SOX6: variants seen among roughly 807,000 people sequenced by gnomAD.
SOX6 encodes SRY-box transcription factor 6.
A neutral mutation model predicts 97.8 loss-of-function variants in SOX6; 11 were observed. That is an observed-to-expected ratio of 0.11 (90% confidence interval 0.07 to 0.19). SOX6 has a LOEUF of 0.19. Among genes scored for constraint, SOX6 ranks in the 10% least tolerant of loss-of-function variants. The pLI is 1.00. For missense variants in SOX6, 810 were observed against 1,039.5 expected, an observed-to-expected ratio of 0.78 and a Z score of 3.04; for synonymous variants, 360 against 371.4, an observed-to-expected ratio of 0.97 and a Z score of 0.35.
chr11:16,305,519 C>A (rs574696836), intron 3 of SOX6, among the ~76,000 whole-genome samples: 2 of 152,278 alleles, frequency 1.3e-5, no homozygotes, highest in African/African-American at 4.8e-5. Context: ...TAAAATCCAA[C>A]GTACAATATA....
intron 3 of SOX6, among the ~76,000 whole-genome samples, chr11:16,251,620 C>T (rs1853513088): frequency 6.6e-6 from 1 of 151,974 alleles, no homozygotes; most frequent in South Asian, 2.1e-4. Context: ...GAGATGACTC[C>T]AGGTCCTGAT....
At chr11:16,145,455 C>T (rs1388977884) in intron 6 of SOX6, among the ~76,000 whole-genome samples, 2 of 152,146 alleles carry the variant, frequency 1.3e-5, no homozygotes, top group Non-Finnish European at 2.9e-5. Context: ...CAGGGATGCC[C>T]TCTCTCACCA....
intron 3 of SOX6, among the ~76,000 whole-genome samples, chr11:16,248,696 C>A (rs1449511644): frequency 2.6e-5 from 4 of 152,204 alleles, no homozygotes; most frequent in African/African-American, 9.6e-5. Flanking sequence ...TGGGCCTGGC[C>A]CACAGAACCA....
rs182907005 is a variant in SOX6, at chr11:16,137,495, T to C, written c.778-25572A>G. The stretch of plus-strand genomic sequence containing the variant: ...TTGTAAGAGAGTAAGACACACTGTA[T>C]AATAAAAAGTCCATTGTTTAGATGT... On this transcript the variant is annotated intron_variant, in intron 6 of 15. Coordinates refer to ENST00000683767, the MANE Select transcript of SOX6 (RefSeq NM_001367873.1). Among the ~76,000 whole-genome samples the C allele has an allele frequency of 5.1e-4, 77 of 152,262 alleles. No homozygotes were observed. The East Asian group carries it at 0.012, about 23-fold the overall frequency.
At chr11:16,416,344 T>G (rs899544989) in intron 1 of SOX6, among the ~76,000 whole-genome samples, 1 of 152,224 alleles carries the variant, frequency 6.6e-6, no homozygotes, top group Non-Finnish European at 1.5e-5. Flanking sequence ...GCACAGAATT[T>G]TCCAAGAAGT....
chr11:16,667,457 A>T (rs1017332848), intron 3 of SOX6, among the ~76,000 whole-genome samples: 44 of 152,160 alleles, frequency 2.9e-4, no homozygotes, highest in Non-Finnish European at 4.4e-5. Context: ...TAATATACAA[A>T]GGAGCTCCAA....
At chr11:16,116,674 G>T (rs1435372476) in intron 6 of SOX6, among the ~76,000 whole-genome samples, 7 of 152,136 alleles carry the variant, frequency 4.6e-5, no homozygotes, top group African/African-American at 1.7e-4. Flanking sequence ...CTTATTCATA[G>T]TTACCTAGTG....
intron 13 of SOX6, among the ~76,000 whole-genome samples, chr11:15,994,072 G>A (rs1854149665): frequency 6.6e-6 from 1 of 152,162 alleles, no homozygotes; most frequent in South Asian, 2.1e-4. Context: ...GCATTGTGAT[G>A]GGGTATACAA....
At chr11:15,982,072 C>A (rs1853671037) in intron 15 of SOX6, among the ~76,000 whole-genome samples, 2 of 151,872 alleles carry the variant, frequency 1.3e-5, no homozygotes, top group Non-Finnish European at 2.9e-5. Context: ...CAAGAAGGTG[C>A]AGATCTAGTA....
At chr11:16,381,016 T>A (rs1321429062) in intron 1 of SOX6, among the ~76,000 whole-genome samples, 3 of 145,754 alleles carry the variant, frequency 2.1e-5, no homozygotes, top group Non-Finnish European at 4.6e-5. Context: ...AGTAAAAAAA[T>A]AGATTCTTTA....
At chr11:16,054,796 C>T (rs1046132049) in intron 10 of SOX6, among the ~76,000 whole-genome samples, 8 of 152,118 alleles carry the variant, frequency 5.3e-5, no homozygotes, top group Non-Finnish European at 8.8e-5. Flanking sequence ...GTCAATTATA[C>T]AAAACAATTG....
intron 4 of SOX6, among the ~76,000 whole-genome samples, chr11:16,514,944 C>G (rs1352655055): frequency 1.3e-5 from 2 of 151,856 alleles, no homozygotes; most frequent in Non-Finnish European, 2.9e-5. Context: ...TCCAGTCTAT[C>G]ATTGTTGGAC....
At chr11:16,262,621 C>T (rs1330154922) in intron 3 of SOX6, among the ~76,000 whole-genome samples, 2 of 152,018 alleles carry the variant, frequency 1.3e-5, no homozygotes, top group Non-Finnish European at 2.9e-5. Flanking sequence ...GCTGTGCTAT[C>T]CTTAGAGAGT....
At chr11:16,406,341 A>C (rs1858686907) in intron 1 of SOX6, among the ~76,000 whole-genome samples, 1 of 152,206 alleles carries the variant, frequency 6.6e-6, no homozygotes, top group Middle Eastern at 3.4e-3. Flanking sequence ...AACCACCCCA[A>C]AACTTAGTGG....
intron 3 of SOX6, among the ~76,000 whole-genome samples, chr11:16,310,887 G>A (rs978115850): frequency 6.6e-6 from 1 of 151,810 alleles, no homozygotes; most frequent in Non-Finnish European, 1.5e-5. Context: ...AAAAATTATT[G>A]TGATGTTCTC....
intron 1 of SOX6, among the ~76,000 whole-genome samples, chr11:16,363,997 C>A (rs998135867): frequency 6.6e-6 from 1 of 152,064 alleles, no homozygotes; most frequent in African/African-American, 2.4e-5. Context: ...CTAACTTCCT[C>A]GATGGTAGGA....
At chr11:16,004,083 G>C (rs1854482299) in intron 13 of SOX6, among the ~76,000 whole-genome samples, 1 of 151,504 alleles carries the variant, frequency 6.6e-6, no homozygotes. Context: ...CTGTATTCAA[G>C]TAAGCATACA....
chr11:16,447,453 C>CTCTCTCTTTCTTTCTT (rs5789955), intron 1 of SOX6, among the ~76,000 whole-genome samples: 2 of 150,774 alleles, frequency 1.3e-5, no homozygotes, highest in Non-Finnish European at 3.0e-5. Context: ...TTCTCTCTCT[C>CTCTCTCTTTCTTTCTT]TCTTTCTTTC....
At chr11:16,274,299 A>C (rs932999883) in intron 3 of SOX6, among the ~76,000 whole-genome samples, 2 of 152,028 alleles carry the variant, frequency 1.3e-5, no homozygotes, top group African/African-American at 4.8e-5. Context: ...AAAATGTATC[A>C]ATTTATATTT....
Sources: gnomAD v4.1 joint callset for allele counts (sites outside exome capture counted in the v4.1 genomes callset) on GRCh38, gnomAD v4.1.1 for gene constraint, MANE v1.5 for transcripts, NCBI Gene and HGNC (gene_info 2026-07-23, HGNC 2026-07-21) for gene names.